The following ZNF831 variants were observed in gnomAD, a reference collection of about 807,000 sequenced individuals.
ZNF831 encodes zinc finger protein 831.
ZNF831 carries 59 observed loss-of-function variants against 95.8 expected under a neutral mutation model. That is an observed-to-expected ratio of 0.62 (90% confidence interval 0.50 to 0.77). ZNF831 has a LOEUF of 0.77. Among genes scored for constraint, ZNF831 ranks in the 30% least tolerant of loss-of-function variants. The pLI is 0.00. For missense variants in ZNF831, 2,205 were observed against 2,164.0 expected (o/e 1.02, Z -0.38); for synonymous variants, 961 against 925.5 (o/e 1.04, Z -0.70).
At position 59,256,494 on chromosome 20, in the gene ZNF831, G is replaced by A. The variant is rs183710185; in HGVS notation, c.*1751G>A. 8 of 152,354 alleles carry A rather than the reference G, an allele frequency of 5.3e-5. No homozygotes were observed. In the East Asian group the frequency reaches 1.4e-3, roughly 26 times the overall value. The allele number at this position is 152,354 out of a possible 1,614,324, so 9.4% of individuals were successfully genotyped here. ...GAGAGGCAGTGTAGGCAAATGGTCT[G>A]AGCCTTGGATGGAGATTGAAGTCCT... On this transcript the variant is annotated 3_prime_UTR_variant, in exon 6 of 6. Transcript: ENST00000371030.
chr20:59,207,521 T>G (rs1205278280), intron 4 of ZNF831, among the ~76,000 whole-genome samples: 1 of 152,034 alleles, frequency 6.6e-6, no homozygotes, highest in Admixed American at 6.5e-5. Context: ...CAGGGTACAT[T>G]GCTTACATGT....
chr20:59,179,995 C>G lies in ZNF831; in HGVS notation c.-36-10989C>G, dbSNP rs534453823. ...CAGGAGAGTTGTGGGCACAGGTCCT[C>G]CCTCCTTGGAGCGTGAAATATTAAA... is the stretch of plus-strand genomic sequence containing the variant. On this transcript the variant is annotated intron_variant, in intron 1 of 5. Coordinates refer to ENST00000371030, the MANE Select transcript of ZNF831 (RefSeq NM_178457.3). Among the ~76,000 whole-genome samples, 12 of 152,264 alleles carry G rather than the reference C, an allele frequency of 7.9e-5. No individual in the cohort carries two copies. The East Asian group carries it at 2.3e-3, about 29-fold the overall frequency.
chr20:59,194,207 A>C lies in ZNF831; in HGVS notation c.3188A>C (p.His1063Pro), dbSNP rs943482294. 15 of 1,612,284 alleles carry C rather than the reference A, an allele frequency of 9.3e-6. No homozygotes were observed. The highest frequency in any genetic ancestry group is 1.2e-5 in the Non-Finnish European group (14 of 1,179,200). Residue 1063 changes from histidine (H) to proline (P), a missense_variant, in exon 2 of 6, where the codon CAC becomes CCC. By Grantham distance (77) the His-to-Pro change is moderately conservative. Transcript: ENST00000371030. Reference protein sequence around the residue: ...SSPPTPTCEAHLVQDMEGDSH... With the variant: ...SSPPTPTCEAPLVQDMEGDSH... ...CCGCCCACTCCAACGTGTGAGGCACACTTAGTTCAGGACATGGAGGGTGAC... is the reference window on the plus strand; with the variant it reads ...CCGCCCACTCCAACGTGTGAGGCACCCTTAGTTCAGGACATGGAGGGTGAC...
chr20:59,219,325 G>A (rs983257348), intron 4 of ZNF831, among the ~76,000 whole-genome samples: 11 of 152,166 alleles, frequency 7.2e-5, no homozygotes, highest in African/African-American at 2.7e-4. Context: ...GGTAATTACT[G>A]GGGCCTGTTC....
rs1357438403 is a variant in ZNF831 at position 59,253,033 on chromosome 20, T to A, written c.4083T>A (p.Cys1361Ter). The change falls in exon 5 of 6, where the codon TGT (cysteine) becomes TGA (stop). Residue 1361 changes from cysteine to a stop codon, truncating the protein, a stop_gained. Coordinates refer to ENST00000371030, the MANE Select transcript of ZNF831 (RefSeq NM_178457.3). LOFTEE classifies it high-confidence loss of function. ...SCATSESPPCCGKEEKKEGDC... is the reference protein window; with the variant it reads ...SCATSESPPC Reference sequence around the variant, plus strand: ...CCACCTCAGAATCACCTCCTTGTTGTGGGAAGGAAGAGAAGAAGGAAGGTG... The same window carrying A: ...CCACCTCAGAATCACCTCCTTGTTGAGGGAAGGAAGAGAAGAAGGAAGGTG... 1 of 1,614,010 alleles carries A rather than the reference T, an allele frequency of 6.2e-7. No individual in the cohort carries two copies.
chr20:59,215,409 C>A (rs147762281), intron 4 of ZNF831, among the ~76,000 whole-genome samples: 3 of 152,322 alleles, frequency 2.0e-5, no homozygotes, highest in African/African-American at 7.2e-5. Flanking sequence ...CAATTTCCTG[C>A]AGCTGGCATG....
chr20:59,126,711 C>G (rs187359262), intron 1 of ZNF831, among the ~76,000 whole-genome samples: 1 of 152,212 alleles, frequency 6.6e-6, no homozygotes, highest in Admixed American at 6.5e-5. Flanking sequence ...CTCTCCTCTC[C>G]GCTTGCTGTC....
chr20:59,143,958 A>G (rs1402722629), intron 1 of ZNF831, among the ~76,000 whole-genome samples: 2 of 152,190 alleles, frequency 1.3e-5, no homozygotes, highest in African/African-American at 2.4e-5. Flanking sequence ...TCTAATTACC[A>G]GTGATTATCC....
At chr20:59,216,012 C>G (rs1023927608) in intron 4 of ZNF831, among the ~76,000 whole-genome samples, 1 of 152,322 alleles carries the variant, frequency 6.6e-6, no homozygotes, top group South Asian at 2.1e-4. Context: ...CTAGTCGAGA[C>G]TTTCTTCTCT....
rs997777899 is a variant in ZNF831, at chr20:59,258,872, C to G, written c.*4129C>G. On this transcript the variant is annotated 3_prime_UTR_variant, in exon 6 of 6. Coordinates refer to ENST00000371030, the MANE Select transcript of ZNF831 (RefSeq NM_178457.3). Reference sequence around the variant, plus strand: ...AATTTGGTCTGAAGAAGTATAGGAACAGTTGAGCACATTACTTCACCACTG... The same window carrying G: ...AATTTGGTCTGAAGAAGTATAGGAAGAGTTGAGCACATTACTTCACCACTG... 2 of 152,156 alleles carry G rather than the reference C, an allele frequency of 1.3e-5. No individual in the cohort carries two copies. Among genetic ancestry groups the G allele is most frequent in the African/African-American group, 4.8e-5 (2 of 41,422 alleles). 9.4% of individuals were successfully genotyped at this position (152,156 alleles called of 1,614,324 possible). A position where few individuals can be genotyped will look rare whatever the true frequency, so the allele number is the denominator to read the frequency against.
upstream of ZNF831, chr20:59,159,604 C>T (rs1259935113): frequency 6.6e-6 from 1 of 152,216 alleles, no homozygotes; most frequent in African/African-American, 2.4e-5. Flanking sequence ...AGGAGTGTTA[C>T]TTCCTGAGGG....
At chr20:59,250,395 G>A (rs2146749613) in intron 4 of ZNF831, among the ~76,000 whole-genome samples, 1 of 152,310 alleles carries the variant, frequency 6.6e-6, no homozygotes, top group Admixed American at 6.5e-5. Flanking sequence ...GAGACCTGCA[G>A]ATAACTACTT....
rs1329816987 is a variant in ZNF831 at position 59,194,766 on chromosome 20, G to A, written c.3738+9G>A. 6.5e-7 allele frequency: 1 copy of A among 1,541,650 alleles called. No individual in the cohort carries two copies. The highest frequency in any genetic ancestry group is 8.7e-7 in the Non-Finnish European group (1 of 1,146,590). ...CGGCGCAGATGTCCAAGGTAAAGCT[G>A]GGCTTTGCCCCAGGGCCCGGGGTTG... On this transcript the variant is annotated intron_variant, in intron 2 of 5. Coordinates refer to ENST00000371030, the MANE Select transcript of ZNF831 (RefSeq NM_178457.3).
chr20:59,228,597 A>C (rs970235202), intron 4 of ZNF831, among the ~76,000 whole-genome samples: 1 of 152,144 alleles, frequency 6.6e-6, no homozygotes, highest in East Asian at 1.9e-4. Flanking sequence ...TATGTCTTCC[A>C]TCCTCCCACG....
intron 1 of ZNF831, among the ~76,000 whole-genome samples, chr20:59,171,077 TG>T (rs1007444196): frequency 4.6e-5 from 7 of 152,274 alleles, no homozygotes; most frequent in African/African-American, 1.7e-4. Flanking sequence ...TTTTATGTTG[TG>T]GGGGCTGCAG....
At position 59,206,983 on chromosome 20, in the gene ZNF831, A is replaced by C; in HGVS notation, c.3954A>C (p.Arg1318Ser). Residue 1318 changes from arginine (R) to serine (S), a missense_variant, in exon 4 of 6, where the codon AGA (arginine) becomes AGC (serine). By Grantham distance (110) the Arg-to-Ser change is moderately radical. Transcript: ENST00000371030. ...RLRTPTWVRR[R>S]SRHPPALEGL... ...GCACACCAACCTGGGTGCGAAGAAG[A>C]AGCCGCCACCCTCCCGCACTTGAGG... is the stretch of plus-strand genomic sequence containing the variant. 6.2e-7 allele frequency: 1 copy of C among 1,614,184 alleles called. No individual in the cohort carries two copies.
intron 4 of ZNF831, among the ~76,000 whole-genome samples, chr20:59,219,318 A>G (rs1314174613): frequency 6.6e-6 from 1 of 152,140 alleles, no homozygotes; most frequent in Non-Finnish European, 1.5e-5. Context: ...GGTCCCAGGT[A>G]ATTACTGGGG....
chr20:59,136,689 G>A (rs1979521990), intron 1 of ZNF831, among the ~76,000 whole-genome samples: 1 of 152,110 alleles, frequency 6.6e-6, no homozygotes, highest in Non-Finnish European at 1.5e-5. Context: ...TTGGAATTTG[G>A]CCATATTCTT....
At chr20:59,241,998 G>A (rs980654837) in intron 4 of ZNF831, among the ~76,000 whole-genome samples, 13 of 152,114 alleles carry the variant, frequency 8.5e-5, no homozygotes, top group Non-Finnish European at 5.9e-5. Context: ...AGTTTTACTC[G>A]TCTGAAGTCT....
Sources: allele counts gnomAD v4.1 joint callset (sites outside exome capture counted in the v4.1 genomes callset), GRCh38; gene constraint gnomAD v4.1.1; transcripts MANE v1.5; gene names NCBI Gene and HGNC (gene_info 2026-07-23, HGNC 2026-07-21).